CSTPP1: variants seen among roughly 807,000 people sequenced by gnomAD.
CSTPP1 encodes the protein centriolar satellite-associated tubulin polyglutamylase complex regulator 1.
the CSTPP1 span, among the ~76,000 whole-genome samples, chr11:47,104,778 G>T: frequency 1.3e-3 from 198 of 152,280 alleles, no homozygotes; most frequent in Middle Eastern, 0.01. Context: ...GGGCAGGAAG[G>T]GTTAGATCCA....
chr11:47,018,886 C>T, the CSTPP1 span, among the ~76,000 whole-genome samples: 1 of 152,146 alleles, frequency 6.6e-6, no homozygotes, highest in Admixed American at 6.5e-5. Context: ...TGTTTTCCTA[C>T]TATTGAGTTT....
chr11:47,154,930 G>T, the CSTPP1 span: 1 of 552,258 alleles, frequency 1.8e-6, no homozygotes, highest in African/African-American at 1.9e-5. Flanking sequence ...GCCCGCTCTG[G>T]GTACAGTGTG....
the CSTPP1 span, among the ~76,000 whole-genome samples, chr11:47,007,809 C>T: frequency 2.0e-5 from 3 of 152,066 alleles, no homozygotes; most frequent in Admixed American, 6.5e-5. Flanking sequence ...CACTAGCAAT[C>T]CTGGATTACC....
chr11:46,937,549 C>T, the CSTPP1 span, among the ~76,000 whole-genome samples: 1 of 152,218 alleles, frequency 6.6e-6, no homozygotes, highest in Non-Finnish European at 1.5e-5. Flanking sequence ...CACACACACA[C>T]ATATGCACAC....
chr11:46,961,527 T>C, the CSTPP1 span, among the ~76,000 whole-genome samples: 1 of 152,200 alleles, frequency 6.6e-6, no homozygotes, highest in Non-Finnish European at 1.5e-5. Flanking sequence ...ATCTTGTGGG[T>C]TGTCTTTTTA....
chr11:47,096,553 G>C, the CSTPP1 span, among the ~76,000 whole-genome samples: 1 of 152,142 alleles, frequency 6.6e-6, no homozygotes, highest in Non-Finnish European at 1.5e-5. Flanking sequence ...GGTCACATTC[G>C]GATTTACTGG....
At chr11:47,042,151 ATGATTGCAT>A in the CSTPP1 span, among the ~76,000 whole-genome samples, 1 of 71,956 alleles carries the variant, frequency 1.4e-5, no homozygotes, top group African/African-American at 2.9e-5. Flanking sequence ...ACAGTGAGCT[ATGATTGCAT>A]CACTGCATTC....
At chr11:47,018,058 C>T in the CSTPP1 span, among the ~76,000 whole-genome samples, 1 of 152,130 alleles carries the variant, frequency 6.6e-6, no homozygotes, top group Non-Finnish European at 1.5e-5. Context: ...TGGCATGTGT[C>T]AGTACTTTGC....
chr11:47,042,488 AAG>A, the CSTPP1 span, among the ~76,000 whole-genome samples: 3 of 151,884 alleles, frequency 2.0e-5, no homozygotes, highest in African/African-American at 7.3e-5. Context: ...AGAGAGAGAA[AAG>A]AGAGTGAGTG....
chr11:47,161,235 C>T, the CSTPP1 span: 24 of 1,613,910 alleles, frequency 1.5e-5, no homozygotes, highest in Middle Eastern at 1.7e-4. Flanking sequence ...GGGGGCCAGA[C>T]GGGTCGGACA....
At chr11:47,156,393 T>A in the CSTPP1 span, among the ~76,000 whole-genome samples, 1 of 152,070 alleles carries the variant, frequency 6.6e-6, no homozygotes, top group South Asian at 2.1e-4. Context: ...AGAGACGAGA[T>A]GGGCCATAAG....
the CSTPP1 span, among the ~76,000 whole-genome samples, chr11:46,962,130 C>T: frequency 4.6e-5 from 7 of 152,308 alleles, no homozygotes; most frequent in East Asian, 1.2e-3. Context: ...TCAGTTACCC[C>T]ACTGGGTCCC....
the CSTPP1 span, among the ~76,000 whole-genome samples, chr11:47,072,239 G>A: frequency 4.6e-5 from 7 of 152,260 alleles, no homozygotes; most frequent in South Asian, 1.0e-3. Flanking sequence ...TCCCTGTTCT[G>A]TTCTTTTCCC....
chr11:46,980,380 TG>T, the CSTPP1 span, among the ~76,000 whole-genome samples: 1 of 152,216 alleles, frequency 6.6e-6, no homozygotes, highest in African/African-American at 2.4e-5. Flanking sequence ...AGGACTTTAG[TG>T]GTTTGGATGC....
chr11:47,085,562 A>T, the CSTPP1 span, among the ~76,000 whole-genome samples: 4 of 152,144 alleles, frequency 2.6e-5, no homozygotes, highest in African/African-American at 9.7e-5. Flanking sequence ...ACTGCTTTAA[A>T]TGATTTCAAG....
chr11:47,140,136 A>G, the CSTPP1 span, among the ~76,000 whole-genome samples: 6 of 152,210 alleles, frequency 3.9e-5, no homozygotes, highest in Non-Finnish European at 5.9e-5. Flanking sequence ...AAACCTGTTT[A>G]GTGATCACAC....
the CSTPP1 span, among the ~76,000 whole-genome samples, chr11:47,080,632 G>A: frequency 0.04 from 6,075 of 152,094 alleles, 190 homozygotes; most frequent in Non-Finnish European, 0.062. Context: ...AAAGCCCAAG[G>A]TAATCAAATT....
At chr11:46,939,608 A>C in the CSTPP1 span, among the ~76,000 whole-genome samples, 1 of 150,926 alleles carries the variant, frequency 6.6e-6, no homozygotes, top group Admixed American at 6.6e-5. Flanking sequence ...TGGATGATAG[A>C]GTGAGACCCT....
At chr11:47,068,948 A>AAT in the CSTPP1 span, among the ~76,000 whole-genome samples, 382 of 151,432 alleles carry the variant, frequency 2.5e-3, no homozygotes, top group African/African-American at 8.3e-3. Flanking sequence ...TACAGTTGCA[A>AAT]ATATATATAT....
Sources: gnomAD v4.1 joint callset for allele counts (sites outside exome capture counted in the v4.1 genomes callset) on GRCh38, gnomAD v4.1.1 for gene constraint, MANE v1.5 for transcripts, NCBI Gene and HGNC (gene_info 2026-07-23, HGNC 2026-07-21) for gene names.